The following PAN3 variants were observed in gnomAD, a reference collection of about 807,000 sequenced individuals.
PAN3 encodes poly(A) specific ribonuclease subunit PAN3.
Under a neutral mutation model 96.2 loss-of-function variants are expected in PAN3, and 19 were observed. The observed-to-expected ratio is 0.20, with a 90% confidence interval of 0.14 to 0.29. The LOEUF (loss-of-function observed/expected upper bound fraction) is 0.29, where lower values mean the gene tolerates loss of function less well. PAN3 is among the 10% of genes least tolerant of loss of function. The pLI is 1.00. For missense variants in PAN3, 882 were observed against 1,108.1 expected (o/e 0.80, Z 2.90); for synonymous variants, 433 against 406.6 (o/e 1.06, Z -0.78).
Position 28,292,610 on chromosome 13 carries a change from A to G in PAN3, c.*88A>G. On this transcript the variant is annotated 3_prime_UTR_variant, in exon 19 of 19. Transcript: ENST00000380958. Reference sequence around the variant, plus strand: ...AGCTGAACTTTTCATCATCTCATTCACATTTGGGAAACGAACAGGAGATGA... The same window carrying G: ...AGCTGAACTTTTCATCATCTCATTCGCATTTGGGAAACGAACAGGAGATGA... 1 of 1,341,210 alleles carries G rather than the reference A, an allele frequency of 7.5e-7. No homozygotes were observed. Among genetic ancestry groups the G allele is most frequent in the South Asian group, 1.8e-5 (1 of 56,960 alleles). The allele number at this position is 1,341,210 out of a possible 1,614,324, so 83.1% of individuals were successfully genotyped here.
In PAN3 at chr13:28,238,419, C is replaced by T. The variant is rs1003457174; in HGVS notation, c.1001-17873C>T. 2.0e-5 allele frequency among the ~76,000 whole-genome samples: 3 copies of T among 152,164 alleles called. No homozygotes were observed. In the East Asian group the frequency reaches 5.8e-4, roughly 29 times the overall value. ...ACCAAGGAACCAAACAAAAAAGACA[C>T]TTAACCAAAATGTCAGATGCCTATA... On this transcript the variant is annotated intron_variant, in intron 6 of 18. Transcript: ENST00000380958.
intron 1 of PAN3, among the ~76,000 whole-genome samples, chr13:28,146,009 C>T (rs1197386134): frequency 1.3e-5 from 2 of 152,048 alleles, no homozygotes; most frequent in African/African-American, 4.8e-5. Flanking sequence ...TTCAAGGCTG[C>T]CTCAGCCTCC....
intron 1 of PAN3, among the ~76,000 whole-genome samples, chr13:28,170,988 G>GT (rs1328168234): frequency 6.6e-6 from 1 of 151,860 alleles, no homozygotes; most frequent in Non-Finnish European, 1.5e-5. Context: ...CAGAGATGAG[G>GT]TTTTTCCATG....
intron 4 of PAN3, among the ~76,000 whole-genome samples, chr13:28,184,530 C>T (rs1231661404): frequency 6.6e-6 from 1 of 152,014 alleles, no homozygotes; most frequent in Non-Finnish European, 1.5e-5. Flanking sequence ...TCTTTTTCCA[C>T]TTAAGTGATT....
At chr13:28,201,637 T>C (rs558518528) in intron 5 of PAN3, among the ~76,000 whole-genome samples, 1 of 152,162 alleles carries the variant, frequency 6.6e-6, no homozygotes, top group East Asian at 1.9e-4. Flanking sequence ...TGGCCTCAAG[T>C]GATCCTTCCA....
intron 6 of PAN3, among the ~76,000 whole-genome samples, chr13:28,254,401 C>T (rs184105095): frequency 1.7e-4 from 26 of 152,208 alleles, no homozygotes. Flanking sequence ...TGAAAGGGCT[C>T]AAGAATTGTA....
At chr13:28,261,568 C>T in intron 9 of PAN3, 110 bp downstream of exon 9, 2 of 893,248 alleles carry the variant, frequency 2.2e-6, no homozygotes, top group Non-Finnish European at 3.3e-6. Flanking sequence ...CCTGGTGGCT[C>T]ATACCTGTAA....
chr13:28,187,771 G>C (rs1184251806), intron 4 of PAN3, among the ~76,000 whole-genome samples: 1 of 151,996 alleles, frequency 6.6e-6, no homozygotes, highest in East Asian at 1.9e-4. Context: ...TGTTTCCCAG[G>C]CTGGTTCAAA....
intron 4 of PAN3, among the ~76,000 whole-genome samples, chr13:28,194,466 A>T (rs866566300): frequency 0.033 from 4,079 of 122,140 alleles, 194 homozygotes; most frequent in African/African-American, 0.08. Flanking sequence ...ATATATATAT[A>T]TTTTTTTTTT....
At chr13:28,267,011 A>C (rs1886239873) in intron 10 of PAN3, 84 bp from the exon 11 acceptor site, 1 of 1,382,010 alleles carries the variant, frequency 7.2e-7, no homozygotes, top group East Asian at 2.3e-5. Context: ...GCAATGTATA[A>C]ATATGGCAAT....
intron 5 of PAN3, among the ~76,000 whole-genome samples, chr13:28,211,210 CT>C (rs766716528): frequency 6.6e-6 from 1 of 152,076 alleles, no homozygotes; most frequent in Non-Finnish European, 1.5e-5. Context: ...TGGGTCTCAT[CT>C]TTTTATGTCT....
chr13:28,162,746 A>G (rs1593386685), intron 1 of PAN3, among the ~76,000 whole-genome samples: 4 of 151,792 alleles, frequency 2.6e-5, no homozygotes, highest in Admixed American at 2.6e-4. Flanking sequence ...TGAGGGGCCA[A>G]GGAGGGAGGA....
At chr13:28,195,375 GC>G (rs1877913498) in intron 4 of PAN3, among the ~76,000 whole-genome samples, 1 of 152,146 alleles carries the variant, frequency 6.6e-6, no homozygotes, top group Non-Finnish European at 1.5e-5. Context: ...CTGCATTCCA[GC>G]CTGGGCGACA....
intron 18 of PAN3, among the ~76,000 whole-genome samples, chr13:28,290,099 C>G (rs1262423054): frequency 6.6e-6 from 1 of 152,050 alleles, no homozygotes; most frequent in African/African-American, 2.4e-5. Context: ...GTGAGAGCCT[C>G]GAATAGTTTT....
chr13:28,163,068 G>A (rs941020840), intron 1 of PAN3, among the ~76,000 whole-genome samples: 2 of 151,686 alleles, frequency 1.3e-5, no homozygotes, highest in African/African-American at 4.8e-5. Flanking sequence ...TTTTGAGACA[G>A]CATCTTGCTC....
At chr13:28,181,803 C>T (rs550522468) in intron 4 of PAN3, among the ~76,000 whole-genome samples, 1 of 152,046 alleles carries the variant, frequency 6.6e-6, no homozygotes, top group East Asian at 1.9e-4. Flanking sequence ...CTTTATTTTA[C>T]AAAATTATAG....
chr13:28,176,607 T>C, intron 3 of PAN3, 48 bp downstream of exon 3: 1 of 1,551,452 alleles, frequency 6.4e-7, no homozygotes, highest in Non-Finnish European at 8.9e-7. Flanking sequence ...ATATATTTCT[T>C]ACTCTAAAAG....
intron 6 of PAN3, among the ~76,000 whole-genome samples, chr13:28,236,442 C>G (rs1219820973): frequency 6.6e-6 from 1 of 152,000 alleles, no homozygotes; most frequent in African/African-American, 2.4e-5. Flanking sequence ...CCCTTTACAT[C>G]TAGAGTAAAA....
At chr13:28,156,992 C>CAAAAAAAAAA (rs35448291) in intron 1 of PAN3, among the ~76,000 whole-genome samples, 1 of 18,448 alleles carries the variant, frequency 5.4e-5, no homozygotes, top group African/African-American at 1.7e-4. Context: ...GAGACCCTGT[C>CAAAAAAAAAA]AAAAAAAAAA....
Sources: allele counts gnomAD v4.1 joint callset (sites outside exome capture counted in the v4.1 genomes callset), GRCh38; gene constraint gnomAD v4.1.1; transcripts MANE v1.5; gene names NCBI Gene and HGNC (gene_info 2026-07-23, HGNC 2026-07-21).